Variants in CPLX4 observed in about 807,000 individuals in gnomAD.
CPLX4 encodes the protein complexin 4.
In CPLX4, 17 loss-of-function variants were observed where a neutral mutation model predicts 16.1. That is an observed-to-expected ratio of 1.06 (90% CI 0.72 to 1.59). The LOEUF (loss-of-function observed/expected upper bound fraction) is 1.59, where lower values mean the gene tolerates loss of function less well. Among genes scored for constraint, CPLX4 ranks in the 40% most tolerant of loss-of-function variants. The pLI is 0.00. For synonymous variants in CPLX4, 55 were observed against 57.8 expected (o/e 0.95, Z 0.22); for missense variants, 193 against 192.9 (o/e 1.00, Z 0.00).
At chr18:59,315,944 A>G (rs1238921854) in intron 1 of CPLX4, among the ~76,000 whole-genome samples, 1 of 152,216 alleles carries the variant, frequency 6.6e-6, no homozygotes, top group Non-Finnish European at 1.5e-5. Context: ...TTATAGTCAC[A>G]TGCAGCTAGC....
At chr18:59,297,842 A>G (rs947329352) in intron 2 of CPLX4, among the ~76,000 whole-genome samples, 1 of 152,152 alleles carries the variant, frequency 6.6e-6, no homozygotes, top group African/African-American at 2.4e-5. Flanking sequence ...CCCTTCCACT[A>G]GACAGGGAGC....
chr18:59,312,627 C>G, intron 2 of CPLX4, 58 bp downstream of exon 2: 1 of 776,202 alleles, frequency 1.3e-6, no homozygotes, highest in Non-Finnish European at 2.2e-6. Flanking sequence ...GATAATCAAC[C>G]ATGACTTCCC....
intron 2 of CPLX4, among the ~76,000 whole-genome samples, chr18:59,302,761 T>C (rs912369286): frequency 6.6e-6 from 1 of 152,210 alleles, no homozygotes; most frequent in East Asian, 1.9e-4. Flanking sequence ...TTCTTGGACC[T>C]GGATAAACTG....
intron 2 of CPLX4, among the ~76,000 whole-genome samples, chr18:59,310,525 G>T (rs1204517547): frequency 1.3e-5 from 2 of 152,184 alleles, no homozygotes; most frequent in Non-Finnish European, 2.9e-5. Flanking sequence ...TTGGGGCCTT[G>T]AGGCTCAGGA....
chr18:59,296,946 G>T, intron 2 of CPLX4, 21 bp from the exon 3 acceptor site: 2 of 1,594,088 alleles, frequency 1.3e-6, no homozygotes, highest in South Asian at 2.3e-5. Context: ...AATAAATAGA[G>T]ATAGATAAAT....
rs1339360029 is a variant in CPLX4, at chr18:59,295,565, A to G, written c.*1133T>C. On this transcript the variant is annotated 3_prime_UTR_variant, in exon 3 of 3. Transcript: ENST00000299721. ...CTTTATTCACTGTATGAACAGAGTC[A>G]CCAAAAAAAAAAAAAAAAATCAGTA... is the stretch of plus-strand genomic sequence containing the variant. 2 of 93,480 alleles carry G rather than the reference A, an allele frequency of 2.1e-5. No homozygotes were observed. Among genetic ancestry groups the G allele is most frequent in the Non-Finnish European group, 4.7e-5 (2 of 42,886 alleles). 5.8% of individuals were successfully genotyped at this position (93,480 alleles called of 1,614,324 possible). A position where few individuals can be genotyped will look rare whatever the true frequency, so the allele number is the denominator to read the frequency against.
chr18:59,315,466 C>T (rs2144193387), intron 1 of CPLX4, among the ~76,000 whole-genome samples: 1 of 152,280 alleles, frequency 6.6e-6, no homozygotes, highest in Non-Finnish European at 1.5e-5. Context: ...TATATCCTCT[C>T]AGTCTGGCTT....
chr18:59,297,415 T>C (rs2070509309), intron 2 of CPLX4, among the ~76,000 whole-genome samples: 1 of 152,008 alleles, frequency 6.6e-6, no homozygotes, highest in African/African-American at 2.4e-5. Flanking sequence ...GTAGCTGGGA[T>C]TACAGGTGTG....
chr18:59,313,197 C>T (rs543887794), intron 1 of CPLX4, among the ~76,000 whole-genome samples: 190 of 152,264 alleles, frequency 1.2e-3, no homozygotes, highest in Non-Finnish European at 2.1e-3. Context: ...TTAGCAAGCT[C>T]CCCGAGTGAT....
intron 2 of CPLX4, among the ~76,000 whole-genome samples, chr18:59,308,796 T>G (rs2070595923): frequency 6.6e-6 from 1 of 152,196 alleles, no homozygotes; most frequent in South Asian, 2.1e-4. Context: ...CTGGGAAACG[T>G]GTCTGTCCCC....
At chr18:59,312,926 C>T (rs974841355) in intron 1 of CPLX4, among the ~76,000 whole-genome samples, 154 bp from the exon 2 acceptor site, 5 of 152,060 alleles carry the variant, frequency 3.3e-5, no homozygotes, top group East Asian at 1.9e-4. Context: ...GGTCCCCAAA[C>T]GTCTGCCTCT....
At chr18:59,312,997 G>T (rs145089255) in intron 1 of CPLX4, among the ~76,000 whole-genome samples, 183 of 152,130 alleles carry the variant, frequency 1.2e-3, no homozygotes, top group African/African-American at 4.2e-3. Flanking sequence ...AAGACAATTT[G>T]GTCCTAGGAA....
intron 1 of CPLX4, among the ~76,000 whole-genome samples, chr18:59,313,569 T>C (rs567125605): frequency 1.3e-5 from 2 of 152,342 alleles, no homozygotes; most frequent in South Asian, 2.1e-4. Context: ...AAGTCCTTTA[T>C]TGGTAGCTGA....
At chr18:59,317,319 T>G (rs2070657670) in intron 1 of CPLX4, among the ~76,000 whole-genome samples, 2 of 152,100 alleles carry the variant, frequency 1.3e-5, no homozygotes, top group Middle Eastern at 3.2e-3. Context: ...ATGATAAACA[T>G]TTAACCTCTA....
At chr18:59,303,013 C>G (rs187919228) in intron 2 of CPLX4, among the ~76,000 whole-genome samples, 45 of 152,312 alleles carry the variant, frequency 3.0e-4, no homozygotes, top group African/African-American at 1.1e-3. Context: ...GTTCATGTAG[C>G]GTGAGATTGA....
chr18:59,311,625 G>A (rs897954607), intron 2 of CPLX4, among the ~76,000 whole-genome samples: 4 of 152,158 alleles, frequency 2.6e-5, no homozygotes, highest in South Asian at 2.1e-4. Context: ...GATGGAAGAT[G>A]TTCTTTAAGG....
In CPLX4 at chr18:59,296,604, T is replaced by C. The variant is rs139886644; in HGVS notation, c.*94A>G. On this transcript the variant is annotated 3_prime_UTR_variant, in exon 3 of 3. Transcript: ENST00000299721. ...ATCATCGTGGTTTTCCTAACTGTGTTCACTACATTAAAACATGTACTGCTT... is the reference window on the plus strand; with the variant it reads ...ATCATCGTGGTTTTCCTAACTGTGTCCACTACATTAAAACATGTACTGCTT... 3.6e-5 allele frequency: 49 copies of C among 1,362,920 alleles called. No homozygotes were observed. The highest frequency in any genetic ancestry group is 4.8e-5 in the Non-Finnish European group (47 of 986,938). 84.4% of individuals were successfully genotyped at this position (1,362,920 alleles called of 1,614,324 possible).
At chr18:59,316,248 G>T (rs2070650331) in intron 1 of CPLX4, among the ~76,000 whole-genome samples, 1 of 122,838 alleles carries the variant, frequency 8.1e-6, no homozygotes, top group African/African-American at 3.6e-5. Flanking sequence ...TGTTACCAGT[G>T]GTGCGTGCGC....
chr18:59,296,750 G>A lies in CPLX4; in HGVS notation c.431C>T (p.Ala144Val), dbSNP rs1265440800. ...DLDTIKEKAQ[A>V]TFTEIKQTAE... ...TGTCTGCTTGATTTCAGTGAAGGTG[G>A]CCTGGGCTTTTTCTTTTATGGTATC... The change falls in exon 3 of 3, where the codon GCC (alanine) becomes GTC (valine). Residue 144 changes from alanine to valine, a missense_variant. Coordinates refer to ENST00000299721, the MANE Select transcript of CPLX4 (RefSeq NM_181654.4). 1 of 1,613,778 alleles carries A rather than the reference G, an allele frequency of 6.2e-7. No homozygotes were observed. The highest frequency in any genetic ancestry group is 1.1e-5 in the South Asian group (1 of 91,030).
Sources: gnomAD v4.1 joint callset for allele counts (sites outside exome capture counted in the v4.1 genomes callset) on GRCh38, gnomAD v4.1.1 for gene constraint, MANE v1.5 for transcripts, NCBI Gene and HGNC (gene_info 2026-07-23, HGNC 2026-07-21) for gene names.